Variants in MAPK4 observed in about 807,000 individuals in gnomAD.
MAPK4 encodes the protein mitogen-activated protein kinase 4.
Under a neutral mutation model 47.7 loss-of-function variants are expected in MAPK4, and 22 were observed. The ratio of observed to expected loss-of-function variants is 0.46; its 90% CI spans 0.33 to 0.66. The LOEUF (loss-of-function observed/expected upper bound fraction) is 0.66. Ranked by LOEUF, MAPK4 falls within the 30% of genes least tolerant of loss-of-function variation. MAPK4 has a pLI of 0.02. For missense variants in MAPK4, 736 were observed against 831.7 expected, an observed-to-expected ratio of 0.88 and a Z score of 1.42; for synonymous variants, 390 against 365.7, an observed-to-expected ratio of 1.07 and a Z score of -0.76.
chr18:50,723,460 A>C (rs971013722), intron 4 of MAPK4, among the ~76,000 whole-genome samples: 13 of 152,200 alleles, frequency 8.5e-5, no homozygotes, highest in Non-Finnish European at 5.9e-5. Flanking sequence ...CTTGAAACAG[A>C]AGAGGGGAAA....
chr18:50,685,440 GAA>G (rs1908819249), intron 2 of MAPK4, among the ~76,000 whole-genome samples: 1 of 152,234 alleles, frequency 6.6e-6, no homozygotes, highest in Non-Finnish European at 1.5e-5. Flanking sequence ...TAAGCAGAGG[GAA>G]ACTTTCCTTC....
intron 1 of MAPK4, among the ~76,000 whole-genome samples, chr18:50,597,277 A>G (rs1231627962): frequency 6.6e-6 from 1 of 152,220 alleles, no homozygotes; most frequent in Non-Finnish European, 1.5e-5. Context: ...ATTGGGTGGC[A>G]TAGTCTGGAG....
intron 1 of MAPK4, among the ~76,000 whole-genome samples, chr18:50,614,054 A>C (rs181236403): frequency 6.6e-6 from 1 of 152,198 alleles, no homozygotes; most frequent in African/African-American, 2.4e-5. Context: ...GATATCATTG[A>C]AAGTTGGCAA....
chr18:50,627,893 C>G (rs1376386962), intron 1 of MAPK4, among the ~76,000 whole-genome samples: 1 of 152,162 alleles, frequency 6.6e-6, no homozygotes, highest in Non-Finnish European at 1.5e-5. Context: ...TCCCTGATGT[C>G]TTAGATTCTC....
chr18:50,728,577 G>A (rs1205753451), intron 5 of MAPK4, among the ~76,000 whole-genome samples: 2 of 152,216 alleles, frequency 1.3e-5, no homozygotes, highest in Admixed American at 1.3e-4. Flanking sequence ...GGGAAGCAGT[G>A]AGGCAGACAT....
chr18:50,719,042 C>G (rs1315951937), intron 3 of MAPK4, among the ~76,000 whole-genome samples: 2 of 146,144 alleles, frequency 1.4e-5, no homozygotes, highest in African/African-American at 5.0e-5. Context: ...CGAGATCGTG[C>G]CACTGCACTC....
intron 1 of MAPK4, among the ~76,000 whole-genome samples, chr18:50,647,491 A>C (rs1416832610): frequency 1.3e-5 from 2 of 152,180 alleles, no homozygotes; most frequent in African/African-American, 4.8e-5. Flanking sequence ...AGGGGCATGC[A>C]GTTGCTGTCC....
At chr18:50,604,673 C>G (rs3855369) in intron 1 of MAPK4, among the ~76,000 whole-genome samples, 61,988 of 152,170 alleles carry the variant, frequency 0.41, 13,626 homozygotes, top group Non-Finnish European at 0.49. Context: ...TCTAAAAGAC[C>G]TTATCCACTG....
chr18:50,621,877 G>A (rs1336815138), intron 1 of MAPK4, among the ~76,000 whole-genome samples: 1 of 152,266 alleles, frequency 6.6e-6, no homozygotes, highest in Non-Finnish European at 1.5e-5. Flanking sequence ...ATTAGCTAAT[G>A]CCATCATTTC....
At chr18:50,686,379 A>G (rs912149530) in intron 2 of MAPK4, among the ~76,000 whole-genome samples, 5 of 152,222 alleles carry the variant, frequency 3.3e-5, no homozygotes, top group Admixed American at 1.3e-4. Context: ...AGGAGTTGAA[A>G]CAAAAAGTCT....
chr18:50,583,059 T>G (rs903356803), intron 1 of MAPK4, among the ~76,000 whole-genome samples: 1 of 152,208 alleles, frequency 6.6e-6, no homozygotes, highest in Non-Finnish European at 1.5e-5. Context: ...GTTCATGTCC[T>G]GTGACCAAGA....
At chr18:50,704,042 C>A (rs938029991) in intron 2 of MAPK4, among the ~76,000 whole-genome samples, 1 of 152,214 alleles carries the variant, frequency 6.6e-6, no homozygotes, top group African/African-American at 2.4e-5. Context: ...TCCTTCCCCA[C>A]ACCTGCCCTT....
At chr18:50,570,773 T>C (rs2042242979) in intron 1 of MAPK4, among the ~76,000 whole-genome samples, 1 of 152,144 alleles carries the variant, frequency 6.6e-6, no homozygotes, top group Non-Finnish European at 1.5e-5. Context: ...CCCCTTACTT[T>C]CCTCCAACTC....
At chr18:50,585,623 T>C (rs1477094170) in intron 1 of MAPK4, among the ~76,000 whole-genome samples, 1 of 152,208 alleles carries the variant, frequency 6.6e-6, no homozygotes, top group Non-Finnish European at 1.5e-5. Flanking sequence ...CTAGCATCAA[T>C]GTCTACTTAC....
intron 1 of MAPK4, among the ~76,000 whole-genome samples, chr18:50,625,927 CAT>C (rs34966415): frequency 2.1e-5 from 2 of 93,370 alleles, no homozygotes; most frequent in South Asian, 3.7e-4. Flanking sequence ...CACACACACA[CAT>C]ATATAATGAC....
intron 3 of MAPK4, among the ~76,000 whole-genome samples, chr18:50,718,135 G>A (rs1910735769): frequency 6.6e-6 from 1 of 152,234 alleles, no homozygotes; most frequent in Non-Finnish European, 1.5e-5. Flanking sequence ...TGAGCCCAGA[G>A]AAGAAGAAAT....
intron 1 of MAPK4, among the ~76,000 whole-genome samples, chr18:50,593,098 A>G (rs547301414): frequency 2.6e-5 from 4 of 152,326 alleles, no homozygotes; most frequent in South Asian, 4.1e-4. Flanking sequence ...AGCGACAGAG[A>G]TGGGACTGGA....
At chr18:50,711,213 A>G (rs1910342282) in intron 2 of MAPK4, among the ~76,000 whole-genome samples, 1 of 152,342 alleles carries the variant, frequency 6.6e-6, no homozygotes, top group Non-Finnish European at 1.5e-5. Context: ...CTGCTGCTAG[A>G]TTATTTCCCA....
chr18:50,625,005 C>T (rs1288606807), intron 1 of MAPK4, among the ~76,000 whole-genome samples: 2 of 152,140 alleles, frequency 1.3e-5, no homozygotes, highest in Admixed American at 6.5e-5. Context: ...GCCTGTGGCA[C>T]TGAATTCCAC....
Sources: gnomAD v4.1 joint callset for allele counts (sites outside exome capture counted in the v4.1 genomes callset) on GRCh38, gnomAD v4.1.1 for gene constraint, MANE v1.5 for transcripts, NCBI Gene and HGNC (gene_info 2026-07-23, HGNC 2026-07-21) for gene names.